The following ZKSCAN5 variants were observed in gnomAD, a reference collection of about 807,000 sequenced individuals.
ZKSCAN5 encodes zinc finger protein with KRAB and SCAN domains 5.
ZKSCAN5 carries 28 observed loss-of-function variants against 60.0 expected under a neutral mutation model. The observed-to-expected ratio is 0.47, with a 90% confidence interval of 0.35 to 0.64. The LOEUF is 0.64. ZKSCAN5 is among the 30% of genes least tolerant of loss of function. The pLI, the probability that ZKSCAN5 is intolerant of heterozygous loss-of-function variation, is 0.01. For synonymous variants in ZKSCAN5, 361 were observed against 371.2 expected, an observed-to-expected ratio of 0.97 and a Z score of 0.31; for missense variants, 881 against 1,034.6, an observed-to-expected ratio of 0.85 and a Z score of 2.04.
At chr7:99,520,131 A>G (rs768126891) in intron 4 of ZKSCAN5, 38 bp from the exon 5 acceptor site, 23 of 1,607,464 alleles carry the variant, frequency 1.4e-5, no homozygotes, top group Non-Finnish European at 1.8e-5. Context: ...AAATTTGGAC[A>G]TAGGGAATGA....
At chr7:99,515,291 C>G (rs1801211573) in intron 3 of ZKSCAN5, among the ~76,000 whole-genome samples, 1 of 151,674 alleles carries the variant, frequency 6.6e-6, no homozygotes, top group African/African-American at 2.4e-5. Context: ...CCTGTAATCC[C>G]AGCTACTTGG....
chr7:99,506,507 T>C (rs755934070), intron 2 of ZKSCAN5, 49 bp downstream of exon 2: 5 of 1,548,540 alleles, frequency 3.2e-6, no homozygotes, highest in East Asian at 4.5e-5. Flanking sequence ...GAGTGAACCA[T>C]CTGCTGAGCA....
rs1187442304 is a variant in ZKSCAN5 at position 99,532,581 on chromosome 7, G to A, written c.*332G>A. 1 of 216,138 alleles carries A rather than the reference G, an allele frequency of 4.6e-6. No individual in the cohort carries two copies. Among genetic ancestry groups the A allele is most frequent in the East Asian group, 1.1e-4 (1 of 9,168 alleles). 13.4% of individuals were successfully genotyped at this position (216,138 alleles called of 1,614,324 possible). On this transcript the variant is annotated 3_prime_UTR_variant, in exon 7 of 7. Coordinates refer to ENST00000326775, the MANE Select transcript of ZKSCAN5 (RefSeq NM_145102.4). ...AAACTCAAAACTGACACTAGGAACAGCTTCATGAGTTCAGTAGAAGTAAGC... is the reference window on the plus strand; with the variant it reads ...AAACTCAAAACTGACACTAGGAACAACTTCATGAGTTCAGTAGAAGTAAGC...
intron 5 of ZKSCAN5, among the ~76,000 whole-genome samples, chr7:99,522,470 T>C (rs1025250698): frequency 2.0e-5 from 3 of 151,704 alleles, no homozygotes; most frequent in Non-Finnish European, 2.9e-5. Context: ...GATTGTTTTT[T>C]GTTTCCCCTT....
In ZKSCAN5 at chr7:99,504,667, G is replaced by C. The variant is rs1292510257; in HGVS notation, c.-107G>C. On this transcript the variant is annotated 5_prime_UTR_variant, in exon 1 of 7. Transcript: ENST00000326775. ...GGAGATGTAGTTCCGGGAACAGCTG[G>C]CCCCTGCGACTCGCGGGTGTGACGT... 5.2e-5 allele frequency: 8 copies of C among 152,386 alleles called. No individual in the cohort carries two copies. Among genetic ancestry groups the C allele is most frequent in the African/African-American group, 1.9e-4 (8 of 41,580 alleles). 9.4% of individuals were successfully genotyped at this position (152,386 alleles called of 1,614,324 possible).
At chr7:99,515,734 T>C (rs1361134415) in intron 3 of ZKSCAN5, among the ~76,000 whole-genome samples, 1 of 150,408 alleles carries the variant, frequency 6.6e-6, no homozygotes, top group East Asian at 2.0e-4. Context: ...CTTGGGAGTC[T>C]GAGGCAGGAG....
intron 5 of ZKSCAN5, among the ~76,000 whole-genome samples, chr7:99,524,454 C>T (rs568290812): frequency 9.2e-5 from 14 of 152,274 alleles, no homozygotes; most frequent in African/African-American, 2.6e-4. Flanking sequence ...TCAAGTGAAC[C>T]GCCCGCCTTG....
intron 1 of ZKSCAN5, 79 bp from the exon 2 acceptor site, chr7:99,505,926 G>A: frequency 8.2e-7 from 1 of 1,214,612 alleles, no homozygotes; most frequent in Non-Finnish European, 1.1e-6. Flanking sequence ...TAATAATGAT[G>A]CCCAATACAT....
intron 1 of ZKSCAN5, chr7:99,505,432 C>G (rs1800674930): frequency 6.6e-6 from 1 of 152,220 alleles, no homozygotes; most frequent in African/African-American, 2.4e-5. Flanking sequence ...GGGGTCCTGT[C>G]CCTAACCTTG....
At chr7:99,530,042 T>TTC (rs1280548727) in intron 6 of ZKSCAN5, among the ~76,000 whole-genome samples, 1 of 148,472 alleles carries the variant, frequency 6.7e-6, no homozygotes, top group African/African-American at 2.5e-5. Context: ...GCCTTTTTTT[T>TTC]TTTTTTTTTT....
chr7:99,505,509 C>G (rs1003262040), intron 1 of ZKSCAN5: 2 of 156,252 alleles, frequency 1.3e-5, no homozygotes, highest in African/African-American at 4.8e-5. Context: ...CAGATCTGTA[C>G]CTTATAAACG....
chr7:99,520,683 G>A (rs1801497153), intron 5 of ZKSCAN5, among the ~76,000 whole-genome samples: 2 of 151,964 alleles, frequency 1.3e-5, no homozygotes, highest in South Asian at 2.1e-4. Flanking sequence ...CAAATTTTTG[G>A]TAGTTACTAT....
intron 2 of ZKSCAN5, among the ~76,000 whole-genome samples, chr7:99,507,489 A>G (rs931185358): frequency 2.7e-5 from 4 of 145,866 alleles, no homozygotes; most frequent in Admixed American, 6.9e-5. Context: ...ATGTGTATAT[A>G]TGTATATATG....
intron 5 of ZKSCAN5, among the ~76,000 whole-genome samples, chr7:99,524,139 C>T (rs1801669519): frequency 6.7e-6 from 1 of 149,488 alleles, no homozygotes; most frequent in African/African-American, 2.5e-5. Context: ...GGTGTGATCT[C>T]AACTCACTGC....
chr7:99,512,392 A>T, intron 2 of ZKSCAN5, 61 bp from the exon 3 acceptor site: 1 of 1,556,688 alleles, frequency 6.4e-7, no homozygotes, highest in Non-Finnish European at 8.7e-7. Context: ...CCATGATTCT[A>T]CTGATTTCTT....
In ZKSCAN5 at chr7:99,519,859, C is replaced by T; in HGVS notation, c.586C>T (p.Leu196=). 1 of 1,614,130 alleles carries T rather than the reference C, an allele frequency of 6.2e-7. No individual in the cohort carries two copies. The highest frequency in any genetic ancestry group is 8.5e-7 in the Non-Finnish European group (1 of 1,180,038). The stretch of plus-strand genomic sequence containing the variant: ...TGTTCTCCAAGTTCCTTCCCTTCCC[C>T]TGAAGGACAGCCAGGAGCTGACAGC... ...LPVLQVPSLP[L]KDSQELTASL... The change falls in exon 4 of 7, where the codon CTG becomes TTG. Residue 196 remains leucine (L), a synonymous_variant. Coordinates refer to ENST00000326775, the MANE Select transcript of ZKSCAN5 (RefSeq NM_145102.4).
chr7:99,512,620 T>G (rs368461144), intron 3 of ZKSCAN5, 29 bp downstream of exon 3: 5 of 1,608,294 alleles, frequency 3.1e-6, no homozygotes, highest in Non-Finnish European at 4.2e-6. Flanking sequence ...GTGGAACTGA[T>G]ATAGCTCAAG....
intron 2 of ZKSCAN5, 38 bp downstream of exon 2, chr7:99,506,496 G>A: frequency 1.9e-6 from 3 of 1,549,716 alleles, no homozygotes; most frequent in Admixed American, 1.9e-5. Context: ...ATGAAGGAGA[G>A]GAGTGAACCA....
rs1802042212 is a variant in ZKSCAN5 at position 99,531,484 on chromosome 7, C to T, written c.1755C>T (p.Ser585=). The T allele has an allele frequency of 6.2e-7, 1 of 1,614,200 alleles. No homozygotes were observed. Among genetic ancestry groups the T allele is most frequent in the Non-Finnish European group, 8.5e-7 (1 of 1,180,030 alleles). ...KPFRCEECGK[S]YNQRVHLTQH... is the part of the protein sequence containing the mutation. ...TCAGGTGTGAGGAATGTGGGAAAAG[C>T]TACAACCAACGCGTGCACCTAACTC... is the stretch of plus-strand genomic sequence containing the variant. Residue 585 remains serine, a synonymous_variant, in exon 7 of 7, where the codon AGC becomes AGT. Coordinates refer to ENST00000326775, the MANE Select transcript of ZKSCAN5 (RefSeq NM_145102.4).
Sources: gnomAD v4.1 joint callset for allele counts (sites outside exome capture counted in the v4.1 genomes callset) on GRCh38, gnomAD v4.1.1 for gene constraint, MANE v1.5 for transcripts, NCBI Gene and HGNC (gene_info 2026-07-23, HGNC 2026-07-21) for gene names.